Variants in GALNTL6 observed in about 807,000 individuals in gnomAD.
GALNTL6 encodes the protein polypeptide N-acetylgalactosaminyltransferase like 6.
A neutral mutation model predicts 73.7 loss-of-function variants in GALNTL6; 46 were observed. The ratio of observed to expected loss-of-function variants is 0.62; its 90% confidence interval spans 0.49 to 0.80. GALNTL6 has a LOEUF of 0.80. Among genes scored for constraint, GALNTL6 ranks in the 30% least tolerant of loss-of-function variants. GALNTL6 has a pLI of 0.00. For missense variants in GALNTL6, 604 were observed against 755.0 expected, an observed-to-expected ratio of 0.80 and a Z score of 2.34; for synonymous variants, 259 against 263.7, an observed-to-expected ratio of 0.98 and a Z score of 0.17.
At chr4:172,074,289 G>A (rs1433431942) in intron 2 of GALNTL6, among the ~76,000 whole-genome samples, 1 of 152,112 alleles carries the variant, frequency 6.6e-6, no homozygotes, top group Non-Finnish European at 1.5e-5. Context: ...AGGTATCATT[G>A]AGTATTGCAA....
At chr4:172,728,420 A>G (rs1319774597) in intron 5 of GALNTL6, among the ~76,000 whole-genome samples, 1 of 152,132 alleles carries the variant, frequency 6.6e-6, no homozygotes, top group Non-Finnish European at 1.5e-5. Context: ...AATAGGCTCC[A>G]GTTCCATCCA....
intron 5 of GALNTL6, among the ~76,000 whole-genome samples, chr4:172,656,225 T>C (rs546366845): frequency 1.3e-5 from 2 of 152,228 alleles, no homozygotes; most frequent in African/African-American, 4.8e-5. Context: ...TCTGATTGGA[T>C]CCTGGACACT....
intron 2 of GALNTL6, among the ~76,000 whole-genome samples, chr4:171,952,504 T>C (rs572468528): frequency 2.3e-4 from 35 of 152,068 alleles, no homozygotes; most frequent in African/African-American, 8.4e-4. Context: ...AATTTAGTGA[T>C]GTGTAAAAAT....
chr4:171,855,134 G>T (rs1255031867), intron 2 of GALNTL6, among the ~76,000 whole-genome samples: 1 of 152,100 alleles, frequency 6.6e-6, no homozygotes, highest in Non-Finnish European at 1.5e-5. Flanking sequence ...TAACTAATGT[G>T]CATAGATTTC....
At chr4:171,857,002 A>G (rs768934285) in intron 2 of GALNTL6, among the ~76,000 whole-genome samples, 3 of 152,186 alleles carry the variant, frequency 2.0e-5, no homozygotes, top group Non-Finnish European at 4.4e-5. Flanking sequence ...TGCATTCATG[A>G]AATTTATCAT....
chr4:172,925,896 T>A (rs1748033585), intron 8 of GALNTL6, among the ~76,000 whole-genome samples: 1 of 152,222 alleles, frequency 6.6e-6, no homozygotes, highest in African/African-American at 2.4e-5. Context: ...CACGTACATC[T>A]GTAAACACCA....
chr4:172,493,307 AC>A (rs1279196435), intron 5 of GALNTL6, among the ~76,000 whole-genome samples: 1 of 152,192 alleles, frequency 6.6e-6, no homozygotes, highest in Non-Finnish European at 1.5e-5. Context: ...ATGGGTTGCT[AC>A]CACTAACAGA....
At chr4:171,983,506 T>TTATA (rs1188905636) in intron 2 of GALNTL6, among the ~76,000 whole-genome samples, 2 of 137,396 alleles carry the variant, frequency 1.5e-5, no homozygotes, top group African/African-American at 2.6e-5. Flanking sequence ...ATTTATTTAT[T>TTATA]TGAGACGGGG....
At chr4:171,962,606 GC>G (rs1399148064) in intron 2 of GALNTL6, among the ~76,000 whole-genome samples, 4 of 152,130 alleles carry the variant, frequency 2.6e-5, no homozygotes, top group Non-Finnish European at 4.4e-5. Flanking sequence ...TCTGGGAATT[GC>G]CCACTCCTTT....
At chr4:172,287,690 C>T (rs373697719) in intron 3 of GALNTL6, among the ~76,000 whole-genome samples, 4 of 152,104 alleles carry the variant, frequency 2.6e-5, no homozygotes, top group Non-Finnish European at 5.9e-5. Flanking sequence ...CACTTGAACA[C>T]CTAGTTATTA....
intron 5 of GALNTL6, among the ~76,000 whole-genome samples, chr4:172,440,390 T>C (rs1268858497): frequency 6.6e-6 from 1 of 152,070 alleles, no homozygotes; most frequent in Non-Finnish European, 1.5e-5. Flanking sequence ...CTGGAAAGGC[T>C]ACATACTATA....
At chr4:172,151,470 A>G (rs143839690) in intron 2 of GALNTL6, among the ~76,000 whole-genome samples, 1,538 of 152,280 alleles carry the variant, frequency 0.01, 26 homozygotes, top group African/African-American at 0.035. Flanking sequence ...TTATTTATGC[A>G]AGATAAAAAC....
intron 2 of GALNTL6, among the ~76,000 whole-genome samples, chr4:171,927,027 A>T (rs957347140): frequency 2.0e-5 from 3 of 149,078 alleles, no homozygotes; most frequent in African/African-American, 2.5e-5. Flanking sequence ...CCTATACGTA[A>T]TTTTTTTTTT....
intron 5 of GALNTL6, among the ~76,000 whole-genome samples, chr4:172,598,381 T>A (rs1737940424): frequency 6.6e-6 from 1 of 152,114 alleles, no homozygotes; most frequent in Non-Finnish European, 1.5e-5. Context: ...GGCTCATTCA[T>A]AACAGCAAAA....
At chr4:172,658,647 C>A (rs1440706173) in intron 5 of GALNTL6, among the ~76,000 whole-genome samples, 1 of 152,014 alleles carries the variant, frequency 6.6e-6, no homozygotes, top group Admixed American at 6.5e-5. Flanking sequence ...TCGAATTAGC[C>A]ACCACTGCTT....
intron 10 of GALNTL6, among the ~76,000 whole-genome samples, chr4:172,977,198 TTG>T (rs1207250961): frequency 6.6e-6 from 1 of 152,162 alleles, no homozygotes; most frequent in African/African-American, 2.4e-5. Context: ...GCCAGTGGGT[TTG>T]TTTGCCAGAA....
In GALNTL6 at chr4:173,004,730, T is replaced by C. The variant is rs143167394; in HGVS notation, c.1372-4448T>C. Among the ~76,000 whole-genome samples the C allele has an allele frequency of 1.4e-3, 211 of 152,306 alleles. 1 individual carries two copies. The highest frequency in any genetic ancestry group is 4.6e-3 in the African/African-American group (191 of 41,566). On this transcript the variant is annotated intron_variant, in intron 10 of 12. Transcript: ENST00000506823. ...CGTTAAAAATTCACAGCCAGAAATA[T>C]TGGAAGTCTCAAGCCTTTCTTCCAT...
At chr4:172,609,178 A>T (rs1738421136) in intron 5 of GALNTL6, among the ~76,000 whole-genome samples, 1 of 151,994 alleles carries the variant, frequency 6.6e-6, no homozygotes, top group Admixed American at 6.6e-5. Context: ...ACTATTATTC[A>T]TGTTGAATAG....
intron 5 of GALNTL6, among the ~76,000 whole-genome samples, chr4:172,436,026 A>C (rs1032782994): frequency 6.6e-6 from 1 of 152,048 alleles, no homozygotes; most frequent in Non-Finnish European, 1.5e-5. Flanking sequence ...TAACAGGGCA[A>C]TGAAGCTGTA....
Sources: allele counts gnomAD v4.1 joint callset (sites outside exome capture counted in the v4.1 genomes callset), GRCh38; gene constraint gnomAD v4.1.1; transcripts MANE v1.5; gene names NCBI Gene and HGNC (gene_info 2026-07-23, HGNC 2026-07-21).